Variants in PCDH15 observed in about 807,000 individuals in gnomAD.
PCDH15 encodes protocadherin-15.
Under a neutral mutation model 178.5 loss-of-function variants are expected in PCDH15, and 129 were observed. The observed-to-expected ratio is 0.72, with a 90% CI of 0.63 to 0.84. PCDH15 has a LOEUF of 0.84. PCDH15 is among the 40% of genes least tolerant of loss of function. The pLI, the probability that PCDH15 is intolerant of heterozygous loss-of-function variation, is 0.00. For missense variants in PCDH15, 2,230 were observed against 2,099.9 expected, an observed-to-expected ratio of 1.06 and a Z score of -1.21; for synonymous variants, 800 against 732.0, an observed-to-expected ratio of 1.09 and a Z score of -1.50.
chr10:53,956,718 T>C (rs2087647127), intron 23 of PCDH15, among the ~76,000 whole-genome samples: 1 of 152,078 alleles, frequency 6.6e-6, no homozygotes, highest in Non-Finnish European at 1.5e-5. Flanking sequence ...GAATAACAAA[T>C]GAACTGGGAT....
chr10:54,504,130 A>C (rs7901730), intron 3 of PCDH15, among the ~76,000 whole-genome samples: 28,365 of 152,102 alleles, frequency 0.19, 2,944 homozygotes, highest in East Asian at 0.33. Context: ...AAAAATGTAC[A>C]TATTTGGACC....
chr10:55,281,382 A>T (rs1842728926), intron 1 of PCDH15, among the ~76,000 whole-genome samples: 1 of 151,432 alleles, frequency 6.6e-6, no homozygotes, highest in South Asian at 2.1e-4. Context: ...GTTTTTTTTT[A>T]ATCTCACCCC....
At chr10:54,466,204 T>G (rs1196491240) in intron 3 of PCDH15, among the ~76,000 whole-genome samples, 2 of 151,928 alleles carry the variant, frequency 1.3e-5, no homozygotes, top group Non-Finnish European at 2.9e-5. Context: ...GAAATTTTTC[T>G]GTTTTTGTTG....
chr10:53,810,545 A>G lies in PCDH15; in HGVS notation c.4671+11T>C. 6.2e-7 allele frequency: 1 copy of G among 1,602,094 alleles called. No individual in the cohort carries two copies. The highest frequency in any genetic ancestry group is 8.5e-7 in the Non-Finnish European group (1 of 1,169,654). On this transcript the variant is annotated intron_variant, in intron 37 of 37. Coordinates refer to ENST00000644397, the MANE Select transcript of PCDH15 (RefSeq NM_001384140.1). Reference sequence around the variant, plus strand: ...GAATATTATCTTACATAATAAAATTACAGTAATTACCTCTTCCTCCTCATA... The same window carrying G: ...GAATATTATCTTACATAATAAAATTGCAGTAATTACCTCTTCCTCCTCATA...
At chr10:53,998,765 G>A (rs569376363) in intron 20 of PCDH15, among the ~76,000 whole-genome samples, 1 of 151,952 alleles carries the variant, frequency 6.6e-6, no homozygotes, top group African/African-American at 2.4e-5. Flanking sequence ...TAAAAATAAC[G>A]TGTAGGCTGG....
chr10:55,179,643 C>T (rs1160807388), intron 1 of PCDH15, among the ~76,000 whole-genome samples: 5 of 152,014 alleles, frequency 3.3e-5, no homozygotes, highest in African/African-American at 4.8e-5. Context: ...TAGTTTCTGT[C>T]GCTCAATACA....
intron 2 of PCDH15, among the ~76,000 whole-genome samples, chr10:55,396,213 C>G (rs1837925561): frequency 1.3e-5 from 2 of 152,236 alleles, no homozygotes; most frequent in South Asian, 2.1e-4. Context: ...TGAGGTTTTT[C>G]CCTATCATTT....
At chr10:54,622,506 C>T (rs114913415) in intron 2 of PCDH15, among the ~76,000 whole-genome samples, 3,775 of 135,850 alleles carry the variant, frequency 0.028, 189 homozygotes, top group African/African-American at 0.095. Context: ...TTCTACAAAC[C>T]ACTTTAAATA....
chr10:54,652,361 G>A (rs1160033675), intron 2 of PCDH15, among the ~76,000 whole-genome samples: 1 of 152,176 alleles, frequency 6.6e-6, no homozygotes, highest in East Asian at 1.9e-4. Context: ...CTGAATTAGG[G>A]CAGGGACACC....
At position 54,967,176 on chromosome 10, in the gene PCDH15, A is replaced by T. The variant is rs184092541; in HGVS notation, c.-79-69676T>A. 3.9e-5 allele frequency among the ~76,000 whole-genome samples: 6 copies of T among 151,920 alleles called. No homozygotes were observed. The East Asian group carries it at 1.2e-3, about 29-fold the overall frequency. ...AACTACAATGTTACAGTGGCTACAA[A>T]GTCACTAGGCTATAGGAATTTTTGA... On this transcript the variant is annotated intron_variant, in intron 2 of 5. Coordinates refer to the PCDH15 transcript ENST00000458638.
intron 13 of PCDH15, among the ~76,000 whole-genome samples, chr10:54,162,923 C>T (rs934970571): frequency 2.6e-5 from 4 of 151,848 alleles, no homozygotes; most frequent in East Asian, 1.9e-4. Flanking sequence ...ATGACAGAGT[C>T]GATTTTTCTT....
chr10:54,831,563 A>G (rs570352504), intron 3 of PCDH15, among the ~76,000 whole-genome samples: 1 of 152,144 alleles, frequency 6.6e-6, no homozygotes, highest in Non-Finnish European at 1.5e-5. Context: ...TGTGTGAACT[A>G]TATACTGTAG....
At chr10:54,453,085 AG>A (rs546784770) in intron 3 of PCDH15, among the ~76,000 whole-genome samples, 195 of 152,216 alleles carry the variant, frequency 1.3e-3, no homozygotes, top group African/African-American at 4.5e-3. Context: ...AGGGTTGTGG[AG>A]GTCAGTGTGG....
chr10:54,153,100 C>T lies in PCDH15; in HGVS notation c.1784G>A (p.Arg595Lys), dbSNP rs1405167299. Residue 595 changes from arginine to lysine, a missense_variant and splice_region_variant, in exon 14 of 38, where the codon AGG becomes AAG. By Grantham distance (26) the Arg-to-Lys change is conservative. Coordinates refer to ENST00000644397, the MANE Select transcript of PCDH15 (RefSeq NM_001384140.1). ...AADNAPPAER[R>K]NSICTVYIEV... is the part of the protein sequence containing the mutation. ...CTGCATTGGTTCTAATATAAATTAC[C>T]TTCGCTCTGCAGGAGGAGCATTATC... The T allele has an allele frequency of 1.2e-6, 2 of 1,613,546 alleles. No homozygotes were observed. Among genetic ancestry groups the T allele is most frequent in the Non-Finnish European group, 1.7e-6 (2 of 1,179,780 alleles).
At chr10:54,237,509 A>G (rs1052072946) in intron 8 of PCDH15, among the ~76,000 whole-genome samples, 1 of 152,190 alleles carries the variant, frequency 6.6e-6, no homozygotes, top group Non-Finnish European at 1.5e-5. Context: ...ATTATAATAT[A>G]CTTCTTTAAT....
At chr10:53,953,583 T>A (rs1316360880) in intron 23 of PCDH15, among the ~76,000 whole-genome samples, 1 of 152,180 alleles carries the variant, frequency 6.6e-6, no homozygotes, top group East Asian at 1.9e-4. Flanking sequence ...ATCAAATCTT[T>A]TCCCAATACA....
intron 10 of PCDH15, among the ~76,000 whole-genome samples, chr10:54,210,954 TGAGA>T (rs899473510): frequency 2.0e-4 from 31 of 152,202 alleles, no homozygotes; most frequent in Non-Finnish European, 3.5e-4. Flanking sequence ...TTTGAAGAAC[TGAGA>T]GACAGTAAAT....
intron 2 of PCDH15, among the ~76,000 whole-genome samples, chr10:55,603,169 G>C (rs1042689592): frequency 6.6e-6 from 1 of 152,088 alleles, no homozygotes; most frequent in Non-Finnish European, 1.5e-5. Flanking sequence ...GAAATGAAGC[G>C]AGAAGGGAAG....
At chr10:54,248,603 T>C (rs1470764372) in intron 8 of PCDH15, among the ~76,000 whole-genome samples, 1 of 152,006 alleles carries the variant, frequency 6.6e-6, no homozygotes, top group Non-Finnish European at 1.5e-5. Flanking sequence ...TCTGGAGATA[T>C]GAAAAAGCTC....
Sources: allele counts gnomAD v4.1 joint callset (sites outside exome capture counted in the v4.1 genomes callset), GRCh38; gene constraint gnomAD v4.1.1; transcripts MANE v1.5; gene names NCBI Gene and HGNC (gene_info 2026-07-23, HGNC 2026-07-21).